Variants in ATF6 observed in about 807,000 individuals in gnomAD.
The protein encoded by ATF6 is activating transcription factor 6, also known as cyclic AMP-dependent transcription factor ATF-6 alpha.
Under a neutral mutation model 83.6 loss-of-function variants are expected in ATF6, and 53 were observed. The observed-to-expected ratio is 0.63, with a 90% CI of 0.51 to 0.80. The LOEUF (loss-of-function observed/expected upper bound fraction) is 0.80. Among genes scored for constraint, ATF6 ranks in the 30% least tolerant of loss-of-function variants. The pLI is 0.00. For missense variants in ATF6, 744 were observed against 797.9 expected, an observed-to-expected ratio of 0.93 and a Z score of 0.81; for synonymous variants, 288 against 285.8, an observed-to-expected ratio of 1.01 and a Z score of -0.08.
intron 14 of ATF6, among the ~76,000 whole-genome samples, chr1:161,892,519 C>A (rs1167201946): frequency 1.3e-5 from 2 of 152,018 alleles, no homozygotes; most frequent in Admixed American, 6.6e-5. Flanking sequence ...AGCTGTGTAT[C>A]CTGTAATACT....
At position 161,766,460 on chromosome 1, in the gene ATF6, A is replaced by C. The variant is rs904733243; in HGVS notation, c.82+18A>C. 3 of 1,611,432 alleles carry C rather than the reference A, an allele frequency of 1.9e-6. No homozygotes were observed. Among genetic ancestry groups the C allele is most frequent in the Non-Finnish European group, 2.5e-6 (3 of 1,178,422 alleles). ...AGATTGGGGTGAGTGGGATCTGAGAATGTACCAGGGTGGCTCGGGTTCGCG... is the reference window on the plus strand; with the variant it reads ...AGATTGGGGTGAGTGGGATCTGAGACTGTACCAGGGTGGCTCGGGTTCGCG... On this transcript the variant is annotated intron_variant, in intron 1 of 15. Coordinates refer to ENST00000367942, the MANE Select transcript of ATF6 (RefSeq NM_007348.4).
chr1:161,919,263 GC>G (rs2101893993), intron 15 of ATF6, among the ~76,000 whole-genome samples: 1 of 152,298 alleles, frequency 6.6e-6, no homozygotes, highest in South Asian at 2.1e-4. Flanking sequence ...TGCTAGGTAT[GC>G]TTTGAAAAGG....
At chr1:161,833,608 T>C (rs12035541) in intron 9 of ATF6, among the ~76,000 whole-genome samples, 21,304 of 152,158 alleles carry the variant, frequency 0.14, 2,049 homozygotes, top group East Asian at 0.31. Flanking sequence ...ATGTGACGAA[T>C]GCACAAGCCT....
At chr1:161,945,143 T>C (rs1027432760) in intron 15 of ATF6, among the ~76,000 whole-genome samples, 1 of 152,232 alleles carries the variant, frequency 6.6e-6, no homozygotes, top group Non-Finnish European at 1.5e-5. Flanking sequence ...ATTTCTATTA[T>C]ATGCTGCACA....
chr1:161,897,308 C>T (rs1392066305), intron 14 of ATF6, among the ~76,000 whole-genome samples: 2 of 151,850 alleles, frequency 1.3e-5, no homozygotes, highest in Non-Finnish European at 2.9e-5. Context: ...GTGGCATGCA[C>T]CTGTAGTCCC....
At chr1:161,942,165 G>A (rs529443468) in intron 15 of ATF6, among the ~76,000 whole-genome samples, 23 of 152,104 alleles carry the variant, frequency 1.5e-4, no homozygotes, top group African/African-American at 4.1e-4. Flanking sequence ...GCAGTATCTC[G>A]TTTCATACAG....
intron 7 of ATF6, 128 bp downstream of exon 7, chr1:161,802,400 T>C (rs2101755888): frequency 1.3e-6 from 1 of 775,172 alleles, no homozygotes; most frequent in Non-Finnish European, 2.1e-6. Context: ...TAAAAGAGTG[T>C]GCTGAATTGC....
At position 161,912,284 on chromosome 1, in the gene ATF6, T is replaced by C. The variant is rs2101888655; in HGVS notation, c.1720-12T>C. ...TTGTTATATATAACAGATTGTTCTT[T>C]GTTAATTTTAGGATCACCTGCTGTT... On this transcript the variant is annotated splice_polypyrimidine_tract_variant and intron_variant, in intron 14 of 15. Transcript: ENST00000367942. 7 of 1,594,984 alleles carry C rather than the reference T, an allele frequency of 4.4e-6. 1 individual carries two copies. The South Asian group carries it at 6.8e-5, about 16-fold the overall frequency.
At chr1:161,793,513 A>G (rs569657384) in intron 6 of ATF6, among the ~76,000 whole-genome samples, 4 of 152,356 alleles carry the variant, frequency 2.6e-5, no homozygotes, top group South Asian at 4.1e-4. Context: ...GTATGTTCAT[A>G]TGTGGATTAT....
chr1:161,885,578 T>TATATA (rs1012268609), intron 14 of ATF6, among the ~76,000 whole-genome samples: 2 of 152,134 alleles, frequency 1.3e-5, no homozygotes, highest in Non-Finnish European at 2.9e-5. Context: ...AATGGGTTTT[T>TATATA]ATATAATATA....
intron 14 of ATF6, among the ~76,000 whole-genome samples, chr1:161,868,656 T>G (rs1571203266): frequency 1.4e-5 from 1 of 73,232 alleles, no homozygotes; most frequent in African/African-American, 3.5e-5. Flanking sequence ...ATTTAAAAGG[T>G]TTTTTTTTTT....
In ATF6 at chr1:161,963,137, A is replaced by G. The variant is rs1689134957; in HGVS notation, c.*4483A>G. 2 of 152,226 alleles carry G rather than the reference A, an allele frequency of 1.3e-5. No homozygotes were observed. The highest frequency in any genetic ancestry group is 6.5e-5 in the Admixed American group (1 of 15,290). 9.4% of individuals were successfully genotyped at this position (152,226 alleles called of 1,614,324 possible). On this transcript the variant is annotated 3_prime_UTR_variant, in exon 16 of 16. Coordinates refer to ENST00000367942, the MANE Select transcript of ATF6 (RefSeq NM_007348.4). ...ATGTTGCCAGAATCCAAAAGGAACT[A>G]TGCTCGTAAAAGAAATGCAGTTTTC... is the stretch of plus-strand genomic sequence containing the variant.
intron 14 of ATF6, among the ~76,000 whole-genome samples, chr1:161,911,832 A>T (rs1221919951): frequency 6.6e-6 from 1 of 152,192 alleles, no homozygotes; most frequent in African/African-American, 2.4e-5. Flanking sequence ...TTAAAAAAAA[A>T]GTTTGAGAAT....
intron 14 of ATF6, among the ~76,000 whole-genome samples, chr1:161,863,601 A>G (rs560376832): frequency 6.0e-4 from 91 of 152,356 alleles, no homozygotes; most frequent in African/African-American, 2.1e-3. Flanking sequence ...CTGTTTATAA[A>G]AAAAGGAAAA....
At chr1:161,863,151 C>A (rs1571198992) in intron 13 of ATF6, 47 bp from the exon 14 acceptor site, 1 of 1,185,946 alleles carries the variant, frequency 8.4e-7, no homozygotes, top group Non-Finnish European at 1.2e-6. Context: ...TTTGGGAAAA[C>A]AGGAAACTTT....
chr1:161,934,257 C>T (rs1230734199), intron 15 of ATF6, among the ~76,000 whole-genome samples: 1 of 152,170 alleles, frequency 6.6e-6, no homozygotes, highest in Non-Finnish European at 1.5e-5. Flanking sequence ...TTCCTCCATC[C>T]TCCTCTAACA....
In ATF6 at chr1:161,802,091, T is replaced by G; in HGVS notation, c.728T>G (p.Leu243Arg). 1 of 1,614,090 alleles carries G rather than the reference T, an allele frequency of 6.2e-7. No individual in the cohort carries two copies. ...CTGTCTCAGCCTACTGTGGTACAACTTCAAGCACCTGGAGTTCTGCCCTCT... is the reference window on the plus strand; with the variant it reads ...CTGTCTCAGCCTACTGTGGTACAACGTCAAGCACCTGGAGTTCTGCCCTCT... ...VLLSQPTVVQLQAPGVLPSAQ... is the reference protein window; with the variant it reads ...VLLSQPTVVQRQAPGVLPSAQ... Residue 243 changes from leucine to arginine, a missense_variant, in exon 7 of 16, where the codon CTT (leucine) becomes CGT (arginine). Leu to Arg is a moderately radical substitution (Grantham distance 102). Transcript: ENST00000367942.
chr1:161,889,986 T>A (rs1687512960), intron 14 of ATF6, among the ~76,000 whole-genome samples: 2 of 152,240 alleles, frequency 1.3e-5, no homozygotes, highest in South Asian at 4.1e-4. Flanking sequence ...TGCAGATATA[T>A]CAGTTTTTAA....
intron 6 of ATF6, among the ~76,000 whole-genome samples, chr1:161,792,894 T>C (rs1684915904): frequency 1.3e-5 from 2 of 152,166 alleles, no homozygotes; most frequent in South Asian, 4.1e-4. Context: ...TATGTCATTA[T>C]TGAAAGAAGT....
Sources: gnomAD v4.1 joint callset for allele counts (sites outside exome capture counted in the v4.1 genomes callset) on GRCh38, gnomAD v4.1.1 for gene constraint, MANE v1.5 for transcripts, NCBI Gene and HGNC (gene_info 2026-07-23, HGNC 2026-07-21) for gene names.